The following SRD5A3 variants were observed in gnomAD, a reference collection of about 807,000 sequenced individuals.
SRD5A3 encodes polyprenal reductase.
Under a neutral mutation model 34.3 loss-of-function variants are expected in SRD5A3, and 24 were observed. That is an observed-to-expected ratio of 0.70 (90% CI 0.51 to 0.99). The LOEUF (loss-of-function observed/expected upper bound fraction) is 0.99. Ranked by LOEUF, SRD5A3 falls within the 50% of genes least tolerant of loss-of-function variation. The probability of loss-of-function intolerance (pLI) is 0.00; values close to 1 mark genes in which losing one functional copy is unlikely to be tolerated. For synonymous variants in SRD5A3, 161 were observed against 167.3 expected, an observed-to-expected ratio of 0.96 and a Z score of 0.29; for missense variants, 350 against 388.2, an observed-to-expected ratio of 0.90 and a Z score of 0.83.
chr4:55,357,534 G>A (rs975164804), intron 1 of SRD5A3, among the ~76,000 whole-genome samples: 13 of 152,062 alleles, frequency 8.5e-5, no homozygotes, highest in East Asian at 5.8e-4. Flanking sequence ...CACAGGTGGC[G>A]ATTGGCCTTG....
intron 1 of SRD5A3, chr4:55,352,257 T>C: frequency 1.1e-6 from 1 of 903,620 alleles, no homozygotes; most frequent in Non-Finnish European, 1.9e-6. Flanking sequence ...GCAGGTAGGG[T>C]GTTGGGGAAT....
rs1417315489 is a variant in SRD5A3 at position 55,359,235 on chromosome 4, C to G, written c.222-111C>G. On this transcript the variant is annotated intron_variant, in intron 1 of 4. Coordinates refer to ENST00000264228, the MANE Select transcript of SRD5A3 (RefSeq NM_024592.5). Reference sequence around the variant, plus strand: ...GATTCTATTAAAAAGCAAAGGTATACTTTGGGAATGGAGGGGTGGGGAAAG... The same window carrying G: ...GATTCTATTAAAAAGCAAAGGTATAGTTTGGGAATGGAGGGGTGGGGAAAG... 3.5e-6 allele frequency: 5 copies of G among 1,428,164 alleles called. No homozygotes were observed. In the African/African-American group the frequency reaches 4.2e-5, roughly 12 times the overall value. The allele number at this position is 1,428,164 out of a possible 1,614,324, so 88.5% of individuals were successfully genotyped here. A position where few individuals can be genotyped will look rare whatever the true frequency, so the allele number is the denominator to read the frequency against.
chr4:55,360,587 T>G (rs1719643405), intron 2 of SRD5A3, among the ~76,000 whole-genome samples: 1 of 152,186 alleles, frequency 6.6e-6, no homozygotes, highest in Non-Finnish European at 1.5e-5. Flanking sequence ...GCTGTGAGGC[T>G]TTGGTAGTAT....
At chr4:55,349,328 AC>A (rs1389345672) in intron 1 of SRD5A3, among the ~76,000 whole-genome samples, 1 of 152,208 alleles carries the variant, frequency 6.6e-6, no homozygotes, top group Non-Finnish European at 1.5e-5. Context: ...GAGCCACTGC[AC>A]CCGGCCCTCT....
At chr4:55,361,667 G>T (rs1392805284) in intron 2 of SRD5A3, among the ~76,000 whole-genome samples, 2 of 151,996 alleles carry the variant, frequency 1.3e-5, no homozygotes, top group Non-Finnish European at 2.9e-5. Flanking sequence ...AGCGGGACGT[G>T]GTGGCGCGTG....
Position 55,370,653 on chromosome 4 carries a change from C to T in SRD5A3, c.*562C>T. 6.4e-6 allele frequency: 1 copy of T among 156,214 alleles called. No homozygotes were observed. Among genetic ancestry groups the T allele is most frequent in the South Asian group, 1.9e-4 (1 of 5,164 alleles). The allele number at this position is 156,214 out of a possible 1,614,324, so 9.7% of individuals were successfully genotyped here. The stretch of plus-strand genomic sequence containing the variant: ...CAGCACTTCGGGAGGCCAAGGTGGG[C>T]AGTTCGCTTGGGCCCAAGAGTTCGA... On this transcript the variant is annotated 3_prime_UTR_variant, in exon 5 of 5. Coordinates refer to ENST00000264228, the MANE Select transcript of SRD5A3 (RefSeq NM_024592.5).
chr4:55,354,863 A>G (rs1022795662), intron 1 of SRD5A3, among the ~76,000 whole-genome samples: 1 of 152,262 alleles, frequency 6.6e-6, no homozygotes, highest in South Asian at 2.1e-4. Context: ...CCATGAAGGC[A>G]GGAATTGTCT....
At chr4:55,368,223 A>G (rs890239914) in intron 4 of SRD5A3, among the ~76,000 whole-genome samples, 1 of 151,636 alleles carries the variant, frequency 6.6e-6, no homozygotes, top group African/African-American at 2.4e-5. Context: ...CTAAAAATAC[A>G]AAACTTAGCT....
At position 55,358,783 on chromosome 4, in the gene SRD5A3, T is replaced by C. The variant is rs979209420; in HGVS notation, c.222-563T>C. Among the ~76,000 whole-genome samples, 7 of 152,302 alleles carry C rather than the reference T, an allele frequency of 4.6e-5. No homozygotes were observed. The East Asian group carries it at 1.4e-3, about 29-fold the overall frequency. ...AAGGAGTTAATACCTAGTTTTATGA[T>C]TGTAGTATTAGTCATGTTATAATAA... On this transcript the variant is annotated intron_variant, in intron 1 of 4. Transcript: ENST00000264228.
chr4:55,360,531 AAAAT>A (rs1299747442), intron 2 of SRD5A3, among the ~76,000 whole-genome samples: 3 of 152,076 alleles, frequency 2.0e-5, no homozygotes, highest in Non-Finnish European at 4.4e-5. Flanking sequence ...ATAAATGAAT[AAAAT>A]AAATAAAAAT....
intron 1 of SRD5A3, among the ~76,000 whole-genome samples, chr4:55,354,791 A>G (rs1216558415): frequency 6.6e-6 from 1 of 152,150 alleles, no homozygotes; most frequent in East Asian, 1.9e-4. Flanking sequence ...ATCACCTGAC[A>G]TGCTATAAAA....
rs1019825045 is a variant in SRD5A3 at position 55,371,123 on chromosome 4, G to A, written c.*1032G>A. 2.0e-5 allele frequency: 3 copies of A among 152,068 alleles called. No homozygotes were observed. Among genetic ancestry groups the A allele is most frequent in the African/African-American group, 7.2e-5 (3 of 41,408 alleles). The allele number at this position is 152,068 out of a possible 1,614,324, so 9.4% of individuals were successfully genotyped here. A position where few individuals can be genotyped will look rare whatever the true frequency, so the allele number is the denominator to read the frequency against. Reference sequence around the variant, plus strand: ...TGCTTCAAAAATGAAAGCATCAGAAGATAAAATATTTTTATATTTATGCAT... The same window carrying A: ...TGCTTCAAAAATGAAAGCATCAGAAAATAAAATATTTTTATATTTATGCAT... On this transcript the variant is annotated 3_prime_UTR_variant, in exon 5 of 5. Coordinates refer to ENST00000264228, the MANE Select transcript of SRD5A3 (RefSeq NM_024592.5).
intron 1 of SRD5A3, among the ~76,000 whole-genome samples, chr4:55,351,605 C>T (rs561379253): frequency 6.6e-6 from 1 of 151,746 alleles, no homozygotes; most frequent in African/African-American, 2.4e-5. Flanking sequence ...TGCAGTGAGC[C>T]GAGACTGTGC....
At chr4:55,347,422 A>G (rs1161856383) in intron 1 of SRD5A3, among the ~76,000 whole-genome samples, 1 of 152,120 alleles carries the variant, frequency 6.6e-6, no homozygotes, top group South Asian at 2.1e-4. Flanking sequence ...TGAGTTCAGG[A>G]GTTCGAGACC....
rs546323913 is a variant in SRD5A3 at position 55,367,687 on chromosome 4, A to G, written c.662A>G (p.His221Arg). ...IWSSAHQYKC[H>R]VILGNLRKNK... The stretch of plus-strand genomic sequence containing the variant: ...TCATCTGCCCATCAGTATAAGTGCC[A>G]TGTTATTCTCGGCAATCTCAGGAAA... Residue 221 changes from histidine (H) to arginine (R), a missense_variant, in exon 4 of 5, where the codon CAT becomes CGT. Physicochemically the swap from His to Arg is conservative, Grantham distance 29. Around this residue, in one of 3 missense-constraint regions of SRD5A3, gnomAD observed 186 missense variants for 221.4 expected, o/e 0.84. Transcript: ENST00000264228. The G allele has an allele frequency of 6.2e-7, 1 of 1,613,938 alleles. No individual in the cohort carries two copies.
chr4:55,359,525 C>T (rs201880214), intron 2 of SRD5A3, 37 bp downstream of exon 2: 7 of 1,613,204 alleles, frequency 4.3e-6, no homozygotes, highest in East Asian at 2.2e-5. Context: ...CGCTGCATCC[C>T]GTTTCTGTTG....
chr4:55,369,972 G>A lies in SRD5A3; in HGVS notation c.838G>A (p.Val280Met), dbSNP rs1720060424. Residue 280 changes from valine (V) to methionine (M), a missense_variant, in exon 5 of 5, where the codon GTG becomes ATG. By Grantham distance (21) the Val-to-Met change is conservative (BLOSUM62 1). Transcript: ENST00000264228. ...FGFHNLTWWL[V>M]VTNVFFNQAL... ...GTTCCACAACTTAACTTGGTGGCTA[G>A]TGGTGACAAATGTCTTCTTTAATCA... 6.2e-7 allele frequency: 1 copy of A among 1,614,172 alleles called. No homozygotes were observed. The highest frequency in any genetic ancestry group is 8.5e-7 in the Non-Finnish European group (1 of 1,180,034).
Position 55,359,327 on chromosome 4 carries a change from G to T in SRD5A3, c.222-19G>T, listed in dbSNP as rs371783653. Reference sequence around the variant, plus strand: ...GTGGATCTACCCTAATTATTGCCTCGCTTGTTTTCCTTTTGCAGATATTTT... The same window carrying T: ...GTGGATCTACCCTAATTATTGCCTCTCTTGTTTTCCTTTTGCAGATATTTT... On this transcript the variant is annotated intron_variant, in intron 1 of 4. Transcript: ENST00000264228. The T allele has an allele frequency of 9.3e-6, 15 of 1,613,490 alleles. No individual in the cohort carries two copies. Among genetic ancestry groups the T allele is most frequent in the African/African-American group, 2.7e-5 (2 of 74,884 alleles).
rs1297948322 is a variant in SRD5A3 at position 55,371,041 on chromosome 4, A to G, written c.*950A>G. 2.0e-5 allele frequency: 3 copies of G among 152,192 alleles called. No individual in the cohort carries two copies. Among genetic ancestry groups the G allele is most frequent in the South Asian group, 2.1e-4 (1 of 4,828 alleles). The allele number at this position is 152,192 out of a possible 1,614,324, so 9.4% of individuals were successfully genotyped here. A position where few individuals can be genotyped will look rare whatever the true frequency, so the allele number is the denominator to read the frequency against. On this transcript the variant is annotated 3_prime_UTR_variant, in exon 5 of 5. Transcript: ENST00000264228. ...TCATCTCCCCCTCAAATCATAGCCT[A>G]ACAGAACACTTTGAAAGCTCTTTTA...
Sources: gnomAD v4.1 joint callset for allele counts (sites outside exome capture counted in the v4.1 genomes callset) on GRCh38, gnomAD v4.1.1 for gene constraint, gnomAD v4.1.1 regional missense constraint, MANE v1.5 for transcripts, NCBI Gene and HGNC (gene_info 2026-07-23, HGNC 2026-07-21) for gene names.